The following ENTREP2 variants were observed in gnomAD, a reference collection of about 807,000 sequenced individuals.
The protein encoded by ENTREP2 is endosomal transmembrane epsin interactor 2.
the ENTREP2 span, among the ~76,000 whole-genome samples, chr15:29,294,549 G>C: frequency 1.3e-5 from 2 of 152,160 alleles, no homozygotes; most frequent in South Asian, 4.1e-4. Flanking sequence ...AGGTTTAGTT[G>C]ACAAAAAAGG....
At chr15:29,524,250 C>G in the ENTREP2 span, among the ~76,000 whole-genome samples, 2 of 152,200 alleles carry the variant, frequency 1.3e-5, no homozygotes, top group Admixed American at 6.5e-5. Context: ...ATTTGAAGGA[C>G]CAATAAGCAC....
the ENTREP2 span, among the ~76,000 whole-genome samples, chr15:29,179,675 G>A: frequency 1.3e-5 from 2 of 151,822 alleles, no homozygotes; most frequent in African/African-American, 4.8e-5. Context: ...CCGCCTCCCG[G>A]GTTCACGCCA....
the ENTREP2 span, among the ~76,000 whole-genome samples, chr15:29,167,677 A>G: frequency 6.6e-6 from 1 of 152,184 alleles, no homozygotes; most frequent in Non-Finnish European, 1.5e-5. Flanking sequence ...GTAGATGTTG[A>G]CATGGATGTG....
At chr15:29,240,751 T>C in the ENTREP2 span, among the ~76,000 whole-genome samples, 2 of 152,198 alleles carry the variant, frequency 1.3e-5, no homozygotes, top group Non-Finnish European at 2.9e-5. Flanking sequence ...ACAGCACAGG[T>C]TGGAATCTGA....
the ENTREP2 span, among the ~76,000 whole-genome samples, chr15:29,365,507 C>G: frequency 1.3e-5 from 2 of 152,076 alleles, no homozygotes; most frequent in Non-Finnish European, 2.9e-5. Context: ...CCTGCCTCGG[C>G]TCCCAAAGTG....
At chr15:29,174,644 C>T in the ENTREP2 span, among the ~76,000 whole-genome samples, 8,253 of 150,672 alleles carry the variant, frequency 0.055, 778 homozygotes, top group African/African-American at 0.19. Context: ...GAGCTGAGAT[C>T]GCGCCACTGC....
the ENTREP2 span, among the ~76,000 whole-genome samples, chr15:29,371,934 AGAT>A: frequency 1.3e-5 from 2 of 152,206 alleles, no homozygotes; most frequent in African/African-American, 4.8e-5. Context: ...ATAGATAGAT[AGAT>A]AGATAGATAG....
the ENTREP2 span, chr15:29,136,377 G>A: frequency 1.3e-6 from 2 of 1,505,514 alleles, no homozygotes; most frequent in African/African-American, 1.4e-5. Context: ...TGGCTGGCAG[G>A]GGGCTGGCCC....
chr15:29,250,892 A>C, the ENTREP2 span, among the ~76,000 whole-genome samples: 1 of 152,194 alleles, frequency 6.6e-6, no homozygotes, highest in African/African-American at 2.4e-5. Flanking sequence ...TATAGGGATG[A>C]AATCTGATCA....
At chr15:29,441,594 G>A in the ENTREP2 span, among the ~76,000 whole-genome samples, 1 of 152,064 alleles carries the variant, frequency 6.6e-6, no homozygotes, top group South Asian at 2.1e-4. Flanking sequence ...AATTATACTG[G>A]GTGTGCATTT....
the ENTREP2 span, among the ~76,000 whole-genome samples, chr15:29,369,939 C>T: frequency 0.014 from 2,136 of 152,316 alleles, 64 homozygotes; most frequent in African/African-American, 0.049. Context: ...CCTTTATCTG[C>T]CATGTTTGGA....
the ENTREP2 span, among the ~76,000 whole-genome samples, chr15:29,555,544 C>T: frequency 6.6e-6 from 1 of 152,122 alleles, no homozygotes; most frequent in African/African-American, 2.4e-5. Flanking sequence ...CTGCATGGTC[C>T]CACTGCAGCA....
At chr15:29,123,057 C>G in the ENTREP2 span, 3 of 413,430 alleles carry the variant, frequency 7.3e-6, no homozygotes, top group Middle Eastern at 6.6e-4. Context: ...AGGTGCTGCA[C>G]GCCAGATAAA....
the ENTREP2 span, among the ~76,000 whole-genome samples, chr15:29,333,193 G>A: frequency 1.3e-5 from 2 of 152,112 alleles, no homozygotes; most frequent in East Asian, 3.9e-4. Context: ...ACAGTCCTGG[G>A]AAACCAGGGA....
chr15:29,275,442 T>C, the ENTREP2 span, among the ~76,000 whole-genome samples: 1 of 152,200 alleles, frequency 6.6e-6, no homozygotes, highest in Non-Finnish European at 1.5e-5. Context: ...AATATGGCAT[T>C]TGTGACTTTC....
the ENTREP2 span, among the ~76,000 whole-genome samples, chr15:29,539,191 C>CT: frequency 1 from 146,752 of 146,752 alleles, 73,376 homozygotes; most frequent in Non-Finnish European, 1. Context: ...GATCCTGAGT[C>CT]TCCCAATCCT....
At chr15:29,124,772 A>G in the ENTREP2 span, 5 of 1,549,436 alleles carry the variant, frequency 3.2e-6, no homozygotes, top group African/African-American at 2.7e-5. Flanking sequence ...CTTAACCAGA[A>G]GGAGAATTCA....
At chr15:29,286,884 C>T in the ENTREP2 span, among the ~76,000 whole-genome samples, 5 of 152,348 alleles carry the variant, frequency 3.3e-5, no homozygotes, top group East Asian at 3.9e-4. Context: ...CTACCAGGAA[C>T]TCCCTGGCAC....
the ENTREP2 span, chr15:29,195,364 C>T: frequency 1.7e-5 from 17 of 977,304 alleles, no homozygotes; most frequent in South Asian, 4.7e-5. Flanking sequence ...TCAAGGTCAA[C>T]GCTTTCCTCC....
Sources: gnomAD v4.1 joint callset for allele counts (sites outside exome capture counted in the v4.1 genomes callset) on GRCh38, gnomAD v4.1.1 for gene constraint, MANE v1.5 for transcripts, NCBI Gene and HGNC (gene_info 2026-07-23, HGNC 2026-07-21) for gene names.